The following RANBP2 variants were observed in gnomAD, a reference collection of about 807,000 sequenced individuals.
RANBP2 encodes the protein RAN binding protein 2, also known as E3 SUMO-protein ligase RanBP2.
In RANBP2, 57 loss-of-function variants were observed where a neutral mutation model predicts 303.6. That is an observed-to-expected ratio of 0.19 (90% CI 0.15 to 0.23). RANBP2 has a LOEUF of 0.23. RANBP2 is among the 10% of genes least tolerant of loss of function. The pLI, the probability that RANBP2 is intolerant of heterozygous loss-of-function variation, is 1.00. For missense variants in RANBP2, 3,138 were observed against 3,780.8 expected, an observed-to-expected ratio of 0.83 and a Z score of 4.46; for synonymous variants, 1,167 against 1,301.5, an observed-to-expected ratio of 0.90 and a Z score of 2.23.
chr2:109,742,326 C>T, the RANBP2 span, among the ~76,000 whole-genome samples: 1 of 112,766 alleles, frequency 8.9e-6, no homozygotes, highest in South Asian at 3.6e-4. Context: ...GAGGCTGAGG[C>T]ACAAGAATTG....
chr2:108,749,275 G>A (rs1675656162), intron 9 of RANBP2, 146 bp downstream of exon 9: 2 of 1,416,140 alleles, frequency 1.4e-6, no homozygotes, highest in African/African-American at 1.4e-5. Flanking sequence ...ATGTGGTGCT[G>A]TGGGGGTGGC....
At chr2:108,745,882 C>T (rs538810122) in intron 7 of RANBP2, among the ~76,000 whole-genome samples, 7 of 150,494 alleles carry the variant, frequency 4.7e-5, no homozygotes, top group African/African-American at 1.7e-4. Flanking sequence ...ACTAATTTCT[C>T]AGAGTTGCTC....
chr2:109,480,259 C>T, the RANBP2 span, among the ~76,000 whole-genome samples: 1 of 152,222 alleles, frequency 6.6e-6, no homozygotes, highest in Non-Finnish European at 1.5e-5. Flanking sequence ...AAGGCGGCAT[C>T]TCCCAGGTGC....
the RANBP2 span, among the ~76,000 whole-genome samples, chr2:109,580,389 AT>A: frequency 6.6e-6 from 1 of 151,230 alleles, no homozygotes; most frequent in Admixed American, 6.6e-5. Context: ...TATATTAATG[AT>A]TCTTTAAAAA....
chr2:109,123,985 TTTA>T, the RANBP2 span, among the ~76,000 whole-genome samples: 3 of 14,040 alleles, frequency 2.1e-4, no homozygotes, highest in African/African-American at 3.2e-4. Flanking sequence ...TTCAGTTTTA[TTTA>T]TTTATTTATT....
the RANBP2 span, among the ~76,000 whole-genome samples, chr2:109,640,469 A>G: frequency 2.0e-5 from 3 of 152,118 alleles, no homozygotes; most frequent in South Asian, 2.1e-4. Context: ...TAAATAAATA[A>G]AACCATTCCT....
the RANBP2 span, among the ~76,000 whole-genome samples, chr2:109,435,299 C>G: frequency 6.6e-6 from 1 of 152,268 alleles, no homozygotes; most frequent in South Asian, 2.1e-4. Flanking sequence ...GACACCTGTC[C>G]CCCTCCAAAG....
the RANBP2 span, among the ~76,000 whole-genome samples, chr2:108,804,277 G>C: frequency 2.0e-5 from 3 of 152,118 alleles, no homozygotes; most frequent in Non-Finnish European, 4.4e-5. Flanking sequence ...TCTAAAACAT[G>C]CTATCCCATT....
At chr2:108,975,659 G>A in the RANBP2 span, among the ~76,000 whole-genome samples, 11 of 152,116 alleles carry the variant, frequency 7.2e-5, no homozygotes, top group East Asian at 7.7e-4. Flanking sequence ...ACAGGGGTGC[G>A]GTCTGGGAGC....
At chr2:109,477,617 T>G in the RANBP2 span, among the ~76,000 whole-genome samples, 1,974 of 39,168 alleles carry the variant, frequency 0.05, 48 homozygotes, top group African/African-American at 0.11. Context: ...CAGATGGGTG[T>G]GTGTGTGTGT....
At chr2:109,498,576 C>T in the RANBP2 span, among the ~76,000 whole-genome samples, 1 of 152,182 alleles carries the variant, frequency 6.6e-6, no homozygotes, top group Admixed American at 6.5e-5. Flanking sequence ...GCACTCAGCT[C>T]GATTTTCAGA....
the RANBP2 span, among the ~76,000 whole-genome samples, chr2:109,212,104 G>T: frequency 8.5e-5 from 13 of 152,232 alleles, no homozygotes; most frequent in Non-Finnish European, 1.9e-4. Context: ...TGGGTGGTTG[G>T]TGCGGCTTGC....
the RANBP2 span, among the ~76,000 whole-genome samples, chr2:109,183,632 C>T: frequency 1.3e-5 from 2 of 152,170 alleles, no homozygotes; most frequent in Non-Finnish European, 2.9e-5. Flanking sequence ...CTTCTTTTAT[C>T]CTGCCCGTCC....
At chr2:109,180,908 C>T in the RANBP2 span, among the ~76,000 whole-genome samples, 3 of 152,230 alleles carry the variant, frequency 2.0e-5, no homozygotes, top group African/African-American at 7.2e-5. Flanking sequence ...CCACCCCATG[C>T]AGAGAGCTCT....
At chr2:109,414,566 G>C in the RANBP2 span, among the ~76,000 whole-genome samples, 4 of 152,130 alleles carry the variant, frequency 2.6e-5, no homozygotes, top group African/African-American at 9.7e-5. Context: ...TCACACACCT[G>C]GGAGCTAAGG....
At chr2:109,352,659 G>A in the RANBP2 span, among the ~76,000 whole-genome samples, 3 of 152,174 alleles carry the variant, frequency 2.0e-5, no homozygotes, top group Admixed American at 1.3e-4. Context: ...GAAGTTACCC[G>A]AGAAACTCAG....
At chr2:109,499,658 T>C in the RANBP2 span, among the ~76,000 whole-genome samples, 3 of 152,116 alleles carry the variant, frequency 2.0e-5, no homozygotes, top group Admixed American at 1.3e-4. Flanking sequence ...TCCTTGGCAG[T>C]GTTTTAGAGG....
the RANBP2 span, chr2:108,798,294 G>C: frequency 1.2e-6 from 1 of 816,738 alleles, no homozygotes. Context: ...TCTAGCTACT[G>C]TAATCCAGAT....
the RANBP2 span, among the ~76,000 whole-genome samples, chr2:109,070,774 C>A: frequency 6.6e-6 from 1 of 151,388 alleles, no homozygotes; most frequent in Non-Finnish European, 1.5e-5. Flanking sequence ...GTGGGAGGAT[C>A]ACTTGAGCCC....
Sources: gnomAD v4.1 joint callset for allele counts (sites outside exome capture counted in the v4.1 genomes callset) on GRCh38, gnomAD v4.1.1 for gene constraint, MANE v1.5 for transcripts, NCBI Gene and HGNC (gene_info 2026-07-23, HGNC 2026-07-21) for gene names.